SLCO1A2: variants seen among roughly 807,000 people sequenced by gnomAD.
The protein encoded by SLCO1A2 is OATP-1.
Under a neutral mutation model 69.0 loss-of-function variants are expected in SLCO1A2, and 67 were observed. The ratio of observed to expected loss-of-function variants is 0.97; its 90% CI spans 0.80 to 1.19. The LOEUF (loss-of-function observed/expected upper bound fraction) is 1.19. Among genes scored for constraint, SLCO1A2 ranks in the 50% most tolerant of loss-of-function variants. The probability of loss-of-function intolerance (pLI) is 0.00; values close to 1 mark genes in which losing one functional copy is unlikely to be tolerated. For missense variants in SLCO1A2, 787 were observed against 793.7 expected (o/e 0.99, Z 0.10); for synonymous variants, 260 against 265.9 (o/e 0.98, Z 0.22).
chr12:21,340,842 T>C (rs962397684), intron 2 of SLCO1A2, among the ~76,000 whole-genome samples: 8 of 152,004 alleles, frequency 5.3e-5, no homozygotes, highest in Admixed American at 2.0e-4. Context: ...AAGAAAAGGA[T>C]GAAGAGGCAG....
chr12:21,350,835 CAAAAAAAAAAAAAA>C (rs11454466), intron 2 of SLCO1A2, among the ~76,000 whole-genome samples: 4 of 40,732 alleles, frequency 9.8e-5, no homozygotes, highest in Admixed American at 4.3e-4. Flanking sequence ...GACTCTGTCT[CAAAAAAAAAAAAAA>C]AAAAAAAAAA....
intron 1 of SLCO1A2, among the ~76,000 whole-genome samples, chr12:21,391,219 T>G (rs1941135092): frequency 6.6e-6 from 1 of 152,096 alleles, no homozygotes; most frequent in Admixed American, 6.5e-5. Context: ...ACACCAAGAT[T>G]TACAGCATTA....
intron 1 of SLCO1A2, chr12:21,403,735 G>A (rs1289863544): frequency 1.3e-3 from 70 of 54,370 alleles, no homozygotes; most frequent in African/African-American, 4.8e-3. Flanking sequence ...TTTTTTTTTT[G>A]GTGGTTGTTT....
intron 2 of SLCO1A2, among the ~76,000 whole-genome samples, chr12:21,365,337 T>C (rs1939288632): frequency 6.6e-6 from 1 of 152,218 alleles, no homozygotes; most frequent in South Asian, 2.1e-4. Context: ...GAAAACTGGC[T>C]AGCCATATGT....
rs530037511 is a variant in SLCO1A2 at position 21,293,825 on chromosome 12, CA to C, written c.1437+119del. Reference sequence around the variant, plus strand: ...CATCATAGAGTTATTTTTCCACATACAAAAAAAGTAATATGGTTTTGAGGAA... The same window carrying C: ...CATCATAGAGTTATTTTTCCACATACAAAAAAGTAATATGGTTTTGAGGAA... On this transcript the variant is annotated intron_variant, in intron 11 of 14. Transcript: ENST00000683939. 245 of 760,196 alleles carry C rather than the reference CA, an allele frequency of 3.2e-4. No homozygotes were observed. In the African/African-American group the frequency reaches 3.8e-3, roughly 12 times the overall value. The allele number at this position is 760,196 out of a possible 1,614,324, so 47.1% of individuals were successfully genotyped here. A position where few individuals can be genotyped will look rare whatever the true frequency, so the allele number is the denominator to read the frequency against.
Position 21,269,712 on chromosome 12 carries a change from A to G in SLCO1A2, c.1849T>C (p.Leu617=). The change falls in exon 15 of 15, where the codon TTA becomes CTA. Residue 617 remains leucine, a synonymous_variant. Coordinates refer to ENST00000683939, the MANE Select transcript of SLCO1A2 (RefSeq NM_001386879.1). ...TTCCTCAAAAGAATTAAGATGATTAAGGCTGGAACAAAGCTTGATCCTCTT... is the reference window on the plus strand; with the variant it reads ...TTCCTCAAAAGAATTAAGATGATTAGGGCTGGAACAAAGCTTGATCCTCTT... ...ALRGSSFVPA[L]IILILLRKCH... 1 of 1,612,656 alleles carries G rather than the reference A, an allele frequency of 6.2e-7. No homozygotes were observed. The highest frequency in any genetic ancestry group is 8.5e-7 in the Non-Finnish European group (1 of 1,178,988).
At chr12:21,292,736 C>T (rs1469154900) in intron 11 of SLCO1A2, among the ~76,000 whole-genome samples, 1 of 152,074 alleles carries the variant, frequency 6.6e-6, no homozygotes, top group Non-Finnish European at 1.5e-5. Context: ...GCTGGGACTA[C>T]AGGCGCCTGC....
intron 2 of SLCO1A2, among the ~76,000 whole-genome samples, chr12:21,351,651 G>A (rs184061415): frequency 1.8e-4 from 27 of 151,692 alleles, no homozygotes; most frequent in African/African-American, 5.6e-4. Flanking sequence ...GGTGGTGGGC[G>A]CCTGTAATCC....
chr12:21,291,765 T>TG lies in SLCO1A2; in HGVS notation c.1610+398dup, dbSNP rs994545392. ...GAAAGATCAAGTGACCTTAGCGAGA[T>TG]GGGGGCTTCTGACAGCTTTGCACTG... is the stretch of plus-strand genomic sequence containing the variant. On this transcript the variant is annotated intron_variant, in intron 12 of 14. Transcript: ENST00000683939. 4.3e-4 allele frequency among the ~76,000 whole-genome samples: 66 copies of TG among 152,080 alleles called. 5 individuals are homozygous for TG. Among genetic ancestry groups the TG allele is most frequent in the Non-Finnish European group, 1.5e-5 (1 of 68,018 alleles).
chr12:21,290,062 CAT>C (rs1160664716), intron 12 of SLCO1A2, among the ~76,000 whole-genome samples: 1 of 150,726 alleles, frequency 6.6e-6, no homozygotes, highest in Non-Finnish European at 1.5e-5. Context: ...GCTGTATGTA[CAT>C]ATGTGTGTGT....
In SLCO1A2 at chr12:21,266,839, CTG is replaced by C. The variant is rs1942113799; in HGVS notation, c.*2707_*2708del. 1 of 152,026 alleles carries C rather than the reference CTG, an allele frequency of 6.6e-6. No homozygotes were observed. The highest frequency in any genetic ancestry group is 2.4e-5 in the African/African-American group (1 of 41,370). 9.4% of individuals were successfully genotyped at this position (152,026 alleles called of 1,614,324 possible). Reference sequence around the variant, plus strand: ...AACCATAGGTGGATTCACAAAGAAACTGTGTAAGCATCTGTAAATATAGGTTA... The same window carrying C: ...AACCATAGGTGGATTCACAAAGAAACTGTAAGCATCTGTAAATATAGGTTA... On this transcript the variant is annotated 3_prime_UTR_variant, in exon 15 of 15. Transcript: ENST00000683939.
chr12:21,353,781 G>C (rs886473430), intron 2 of SLCO1A2, among the ~76,000 whole-genome samples: 1 of 152,200 alleles, frequency 6.6e-6, no homozygotes, highest in South Asian at 2.1e-4. Context: ...AGAGGAGAAA[G>C]CCAGGCTAAT....
intron 12 of SLCO1A2, among the ~76,000 whole-genome samples, chr12:21,280,284 T>A (rs1944551538): frequency 6.6e-6 from 1 of 151,928 alleles, no homozygotes; most frequent in Non-Finnish European, 1.5e-5. Flanking sequence ...TACAATGACA[T>A]AAAGTAGCTG....
At chr12:21,401,561 T>C (rs1941705988) in intron 1 of SLCO1A2, among the ~76,000 whole-genome samples, 1 of 151,900 alleles carries the variant, frequency 6.6e-6, no homozygotes, top group African/African-American at 2.4e-5. Flanking sequence ...ATTTTAATCA[T>C]AATTTTATTG....
rs1942345643 is a variant in SLCO1A2, at chr12:21,268,918, T to C, written c.*630A>G. Reference sequence around the variant, plus strand: ...GCCTCATGATGTTTAATAACCTGCTTAAGTTTGTCAGTATTCTGTACAAAT... The same window carrying C: ...GCCTCATGATGTTTAATAACCTGCTCAAGTTTGTCAGTATTCTGTACAAAT... On this transcript the variant is annotated 3_prime_UTR_variant, in exon 15 of 15. Transcript: ENST00000683939. 1 of 152,052 alleles carries C rather than the reference T, an allele frequency of 6.6e-6. No homozygotes were observed. The highest frequency in any genetic ancestry group is 6.6e-5 in the Admixed American group (1 of 15,230). The allele number at this position is 152,052 out of a possible 1,614,324, so 9.4% of individuals were successfully genotyped here.
chr12:21,289,894 T>C (rs1196129165), intron 12 of SLCO1A2, among the ~76,000 whole-genome samples: 40 of 152,132 alleles, frequency 2.6e-4, no homozygotes, highest in Non-Finnish European at 4.4e-5. Flanking sequence ...TAGAATTGCA[T>C]GGAACAGTAG....
intron 1 of SLCO1A2, chr12:21,403,813 C>T (rs146643573): frequency 1.3e-5 from 2 of 149,068 alleles, no homozygotes; most frequent in Admixed American, 6.8e-5. Context: ...GTTAATGGCA[C>T]TAAACTTTGC....
intron 4 of SLCO1A2, 76 bp from the exon 5 acceptor site, chr12:21,307,064 C>A: frequency 3.2e-6 from 3 of 951,838 alleles, no homozygotes; most frequent in Non-Finnish European, 4.9e-6. Flanking sequence ...AGATTGTTAC[C>A]TTCTGCTTCC....
intron 2 of SLCO1A2, among the ~76,000 whole-genome samples, chr12:21,325,756 C>G (rs1052210962): frequency 1.3e-5 from 2 of 152,110 alleles, no homozygotes; most frequent in Non-Finnish European, 2.9e-5. Flanking sequence ...ATAAAACGTC[C>G]AAATATTTTA....
Sources: allele counts gnomAD v4.1 joint callset (sites outside exome capture counted in the v4.1 genomes callset), GRCh38; gene constraint gnomAD v4.1.1; transcripts MANE v1.5; gene names NCBI Gene and HGNC (gene_info 2026-07-23, HGNC 2026-07-21).